NRF1: variants seen among roughly 807,000 people sequenced by gnomAD.
NRF1 encodes alpha palindromic-binding protein.
A neutral mutation model predicts 58.5 loss-of-function variants in NRF1; 5 were observed. That is an observed-to-expected ratio of 0.09 (90% CI 0.04 to 0.18). The LOEUF (loss-of-function observed/expected upper bound fraction) is 0.18. Ranked by LOEUF, NRF1 falls within the 10% of genes least tolerant of loss-of-function variation. The pLI is 1.00. For synonymous variants in NRF1, 224 were observed against 246.7 expected, an observed-to-expected ratio of 0.91 and a Z score of 0.86; for missense variants, 288 against 657.7, an observed-to-expected ratio of 0.44 and a Z score of 6.15.
intron 10 of NRF1, among the ~76,000 whole-genome samples, chr7:129,736,654 G>A (rs1363990953): frequency 9.5e-5 from 14 of 147,194 alleles, no homozygotes; most frequent in African/African-American, 2.8e-4. Flanking sequence ...CTTTGCCTCC[G>A]CTAGCAGCAG....
chr7:129,688,946 TG>T (rs199944976), intron 4 of NRF1, among the ~76,000 whole-genome samples: 3,065 of 152,230 alleles, frequency 0.02, 53 homozygotes, highest in Middle Eastern at 0.058. Context: ...TGTGTGTGTG[TG>T]TGAGTAGGCA....
In NRF1 at chr7:129,693,450, C is replaced by T. The variant is rs185807291; in HGVS notation, c.606+2904C>T. ...ATCTAAACCAAGCTTGTCCAACCCA[C>T]GTCCCGCAAGACGCATGTGACCCAG... On this transcript the variant is annotated intron_variant, in intron 5 of 10. Transcript: ENST00000393232. Among the ~76,000 whole-genome samples the T allele has an allele frequency of 4.4e-4, 67 of 152,278 alleles. 1 individual carries two copies. The East Asian group carries it at 8.5e-3, about 19-fold the overall frequency.
At chr7:129,662,940 T>C (rs913230315) in intron 2 of NRF1, among the ~76,000 whole-genome samples, 3 of 152,282 alleles carry the variant, frequency 2.0e-5, no homozygotes, top group African/African-American at 7.2e-5. Flanking sequence ...TACTTGAGAT[T>C]AGGGAGTGGT....
chr7:129,743,910 A>G (rs375236693), intron 10 of NRF1, among the ~76,000 whole-genome samples: 114 of 152,296 alleles, frequency 7.5e-4, no homozygotes, highest in African/African-American at 2.5e-3. Flanking sequence ...AAATCACATC[A>G]CAAATTCCAA....
In NRF1 at chr7:129,633,428, G is replaced by A. The variant is rs577884200; in HGVS notation, c.-7+21604G>A. 2.0e-5 allele frequency: 3 copies of A among 152,300 alleles called. No individual in the cohort carries two copies. In the East Asian group the frequency reaches 5.8e-4, roughly 29 times the overall value. The allele number at this position is 152,300 out of a possible 1,614,324, so 9.4% of individuals were successfully genotyped here. A position where few individuals can be genotyped will look rare whatever the true frequency, so the allele number is the denominator to read the frequency against. On this transcript the variant is annotated intron_variant, in intron 1 of 10. Coordinates refer to ENST00000393232, the MANE Select transcript of NRF1 (RefSeq NM_005011.5). ...AGCACTGATTACTGAACTGTGTTGT[G>A]ACTTCTTTTGTTCTAGGTGCCTTTG...
chr7:129,713,589 G>A (rs1344239330), intron 8 of NRF1, among the ~76,000 whole-genome samples: 1 of 152,106 alleles, frequency 6.6e-6, no homozygotes, highest in Non-Finnish European at 1.5e-5. Context: ...AACACTTTTT[G>A]AGCCCTGTGC....
At chr7:129,677,826 C>T in intron 4 of NRF1, 68 bp downstream of exon 4, 1 of 1,587,182 alleles carries the variant, frequency 6.3e-7, no homozygotes, top group East Asian at 2.2e-5. Context: ...TCTTCTGATC[C>T]TCTGTCAAGT....
Position 129,715,713 on chromosome 7 carries a change from G to A in NRF1, c.1066-1506G>A, listed in dbSNP as rs149080764. The stretch of plus-strand genomic sequence containing the variant: ...TTAAATGTGCATGAAAAGATGACTT[G>A]TTAAATAAATCATGATGTTTCTATA... On this transcript the variant is annotated intron_variant, in intron 8 of 10. Transcript: ENST00000393232. Among the ~76,000 whole-genome samples, 334 of 152,276 alleles carry A rather than the reference G, an allele frequency of 2.2e-3. 1 individual carries two copies. The highest frequency in any genetic ancestry group is 7.0e-3 in the African/African-American group (292 of 41,556).
At chr7:129,663,045 A>G (rs1364088549) in intron 2 of NRF1, among the ~76,000 whole-genome samples, 1 of 152,202 alleles carries the variant, frequency 6.6e-6, no homozygotes, top group Non-Finnish European at 1.5e-5. Context: ...TGGACACAGC[A>G]CATGTTTCAG....
intron 9 of NRF1, among the ~76,000 whole-genome samples, chr7:129,720,876 A>T (rs180754484): frequency 1.5e-4 from 23 of 152,234 alleles, no homozygotes; most frequent in African/African-American, 5.5e-4. Context: ...GTTAATTTTC[A>T]TTTTCAAAAT....
intron 2 of NRF1, among the ~76,000 whole-genome samples, chr7:129,664,561 A>G (rs748654401): frequency 1.3e-5 from 2 of 152,224 alleles, no homozygotes; most frequent in Non-Finnish European, 2.9e-5. Context: ...TTTGTAAAAT[A>G]TATTTTGTGA....
At chr7:129,628,058 T>A (rs1800959432) in intron 1 of NRF1, among the ~76,000 whole-genome samples, 1 of 101,472 alleles carries the variant, frequency 9.9e-6, no homozygotes, top group African/African-American at 4.7e-5. Context: ...TTTTTTTTTT[T>A]TTTGAGACGG....
intron 10 of NRF1, among the ~76,000 whole-genome samples, chr7:129,736,173 T>C (rs1803705686): frequency 6.6e-6 from 1 of 152,112 alleles, no homozygotes; most frequent in Admixed American, 6.5e-5. Context: ...CACTAGACAA[T>C]CTTCACCTTT....
chr7:129,751,541 G>A (rs995581930), intron 10 of NRF1, among the ~76,000 whole-genome samples: 1 of 152,222 alleles, frequency 6.6e-6, no homozygotes, highest in Non-Finnish European at 1.5e-5. Context: ...TCACAGCCAG[G>A]GTGAAAGAAA....
At chr7:129,729,103 T>C (rs1803519342) in intron 10 of NRF1, among the ~76,000 whole-genome samples, 1 of 152,234 alleles carries the variant, frequency 6.6e-6, no homozygotes, top group African/African-American at 2.4e-5. Flanking sequence ...CTGCTAAAAA[T>C]AACTTCCCAT....
At chr7:129,728,393 C>T (rs928147718) in intron 10 of NRF1, among the ~76,000 whole-genome samples, 1 of 142,614 alleles carries the variant, frequency 7.0e-6, no homozygotes, top group Non-Finnish European at 1.5e-5. Flanking sequence ...CGCTTGAACC[C>T]GAGAGGCAGA....
At chr7:129,682,938 A>C (rs1802353806) in intron 4 of NRF1, among the ~76,000 whole-genome samples, 1 of 150,594 alleles carries the variant, frequency 6.6e-6, no homozygotes, top group South Asian at 2.1e-4. Context: ...GCCTCAAATA[A>C]TTTTTTTTTT....
chr7:129,623,973 G>T (rs74618938), intron 1 of NRF1, among the ~76,000 whole-genome samples: 3,482 of 152,260 alleles, frequency 0.023, 138 homozygotes, highest in African/African-American at 0.08. Flanking sequence ...TATCTGAAAG[G>T]TATGAAAGCA....
intron 5 of NRF1, among the ~76,000 whole-genome samples, chr7:129,693,070 T>C (rs1802607959): frequency 6.6e-6 from 1 of 152,218 alleles, no homozygotes; most frequent in African/African-American, 2.4e-5. Context: ...GAATTTAGTT[T>C]CTGTCCTTTA....
Sources: allele counts gnomAD v4.1 joint callset (sites outside exome capture counted in the v4.1 genomes callset), GRCh38; gene constraint gnomAD v4.1.1; transcripts MANE v1.5; gene names NCBI Gene and HGNC (gene_info 2026-07-23, HGNC 2026-07-21).